TSACC: variants seen among roughly 807,000 people sequenced by gnomAD.
TSACC encodes the protein TSSK6-activating co-chaperone protein.
Under a neutral mutation model 6.9 loss-of-function variants are expected in TSACC, and 3 were observed. The ratio of observed to expected loss-of-function variants is 0.43; its 90% confidence interval spans 0.20 to 1.12. TSACC has a LOEUF of 1.12. Among genes scored for constraint, TSACC ranks in the 50% most tolerant of loss-of-function variants. The pLI is 0.28. For missense variants in TSACC, 137 were observed against 143.9 expected (o/e 0.95, Z 0.24); for synonymous variants, 54 against 55.1 (o/e 0.98, Z 0.09).
At chr1:156,343,376 C>T (rs1407086028) in intron 2 of TSACC, among the ~76,000 whole-genome samples, 1 of 152,070 alleles carries the variant, frequency 6.6e-6, no homozygotes, top group Non-Finnish European at 1.5e-5. Context: ...GGATTTGGTG[C>T]CTGTTGGTGT....
At chr1:156,341,045 G>A (rs138227195) in intron 2 of TSACC, among the ~76,000 whole-genome samples, 29 of 152,124 alleles carry the variant, frequency 1.9e-4, no homozygotes, top group African/African-American at 5.5e-4. Flanking sequence ...TTGAACTCCT[G>A]GCCTCAAGTG....
chr1:156,346,938 T>C lies in TSACC; in HGVS notation c.334T>C (p.Ser112Pro), dbSNP rs755876225. Residue 112 changes from serine to proline, a missense_variant, in exon 4 of 4, where the codon TCT becomes CCT. Physicochemically the swap from Ser to Pro is moderately conservative, Grantham distance 74 (BLOSUM62 -1). Transcript: ENST00000368254. ...GSNNSSLPAL[S>P]PNPLLNHLPQ... ...CAATAACTCTTCTCTCCCAGCCTTA[T>C]CTCCTAATCCATTGTTAAATCACCT... 4.1e-5 allele frequency: 66 copies of C among 1,614,086 alleles called. No homozygotes were observed. Among genetic ancestry groups the C allele is most frequent in the Non-Finnish European group, 5.3e-5 (63 of 1,180,034 alleles).
intron 3 of TSACC, 23 bp from the exon 4 acceptor site, chr1:156,346,745 C>T: frequency 6.2e-7 from 1 of 1,610,482 alleles, no homozygotes; most frequent in South Asian, 1.1e-5. Context: ...TCCCTTGCAC[C>T]TCCGTTGCTT....
chr1:156,344,772 G>A, intron 3 of TSACC, 64 bp downstream of exon 3: 1 of 1,573,564 alleles, frequency 6.4e-7, no homozygotes. Flanking sequence ...GGAGGAGGTG[G>A]CTTGAGCTGT....
At chr1:156,345,961 A>C (rs1666149718) in intron 3 of TSACC, among the ~76,000 whole-genome samples, 1 of 151,978 alleles carries the variant, frequency 6.6e-6, no homozygotes, top group Non-Finnish European at 1.5e-5. Flanking sequence ...TGGAAGGCCA[A>C]GGCAGGTGGA....
chr1:156,346,617 G>T, intron 3 of TSACC, 151 bp from the exon 4 acceptor site: 1 of 702,854 alleles, frequency 1.4e-6, no homozygotes, highest in Middle Eastern at 4.1e-4. Context: ...ATGCCTCACT[G>T]GGAGGTGACA....
At chr1:156,341,269 A>G (rs1252914162) in intron 2 of TSACC, among the ~76,000 whole-genome samples, 2 of 152,226 alleles carry the variant, frequency 1.3e-5, no homozygotes, top group African/African-American at 2.4e-5. Flanking sequence ...AGCCACACAT[A>G]TCAACTGTGG....
upstream of TSACC, chr1:156,337,318 G>A: frequency 3.6e-6 from 1 of 275,762 alleles, no homozygotes; most frequent in Non-Finnish European, 7.1e-6. Context: ...TAAGGCAGGA[G>A]GATCGCTTGA....
Position 156,339,674 on chromosome 1 carries a change from T to C in TSACC, c.-84T>C, listed in dbSNP as rs1204373969. The C allele has an allele frequency of 8.3e-6, 13 of 1,571,566 alleles. No homozygotes were observed. The highest frequency in any genetic ancestry group is 9.6e-6 in the Non-Finnish European group (11 of 1,145,522). On this transcript the variant is annotated 5_prime_UTR_variant, in exon 2 of 4. Transcript: ENST00000368254. ...GATCTGCTGGAGACAACTTAGGAAA[T>C]TATCATAGTGAAAATACTAACATGG...
chr1:156,338,037 CGAT>C, upstream of TSACC: 1 of 1,130,666 alleles, frequency 8.8e-7, no homozygotes, highest in Non-Finnish European at 1.3e-6. Flanking sequence ...AAAATGAAGA[CGAT>C]GATTGGAAGG....
upstream of TSACC, chr1:156,338,297 C>T (rs550124233): frequency 3.9e-5 from 39 of 994,810 alleles, no homozygotes; most frequent in Admixed American, 2.5e-4. Context: ...GCTTACACCT[C>T]AACCCGCTAC....
chr1:156,346,880 A>G lies in TSACC; in HGVS notation c.276A>G (p.Ala92=), dbSNP rs749549434. 23 of 1,614,090 alleles carry G rather than the reference A, an allele frequency of 1.4e-5. No individual in the cohort carries two copies. The Admixed American group carries it at 3.8e-4, about 27-fold the overall frequency. ...QQMAVLEHLQ[A]SVTQLAPGRG... The stretch of plus-strand genomic sequence containing the variant: ...TGGCTGTTTTGGAACATTTACAGGC[A>G]TCTGTGACACAACTGGCTCCTGGGA... The change falls in exon 4 of 4, where the codon GCA becomes GCG. Residue 92 remains alanine (A), a synonymous_variant. Transcript: ENST00000368254.
intron 2 of TSACC, among the ~76,000 whole-genome samples, chr1:156,344,356 A>T (rs12022657): frequency 1.3e-5 from 2 of 152,064 alleles, no homozygotes; most frequent in South Asian, 4.1e-4. Context: ...CATGTAGTGT[A>T]TATCAGTAAG....
chr1:156,340,881 A>G lies in TSACC; in HGVS notation c.34+1090A>G, dbSNP rs1277125540. ...CAGCTGCTATTTGCCAGACCCTCTTAAGCAGTTTACCTACTTAGGATCACT... is the reference window on the plus strand; with the variant it reads ...CAGCTGCTATTTGCCAGACCCTCTTGAGCAGTTTACCTACTTAGGATCACT... On this transcript the variant is annotated intron_variant, in intron 2 of 3. Coordinates refer to ENST00000368254, the MANE Select transcript of TSACC (RefSeq NM_001304817.2). Among the ~76,000 whole-genome samples the G allele has an allele frequency of 2.0e-5, 3 of 152,114 alleles. No individual in the cohort carries two copies. The South Asian group carries it at 6.2e-4, about 32-fold the overall frequency.
intron 2 of TSACC, among the ~76,000 whole-genome samples, chr1:156,344,080 G>A (rs1024556245): frequency 4.3e-4 from 66 of 152,232 alleles, no homozygotes; most frequent in African/African-American, 1.5e-3. Flanking sequence ...TCCTCTACCT[G>A]AAAGGAGGTA....
chr1:156,343,297 T>C (rs534500696), intron 2 of TSACC, among the ~76,000 whole-genome samples: 2 of 152,298 alleles, frequency 1.3e-5, no homozygotes, highest in Middle Eastern at 6.8e-3. Flanking sequence ...TTGGGAGAGA[T>C]GCTGAAATAG....
upstream of TSACC, chr1:156,338,257 C>A: frequency 1.3e-6 from 2 of 1,497,632 alleles, no homozygotes; most frequent in East Asian, 2.4e-5. Context: ...GAGAACCAGA[C>A]AGAAGCCCAG....
upstream of TSACC, chr1:156,338,247 GA>G: frequency 6.5e-7 from 1 of 1,533,596 alleles, no homozygotes; most frequent in Non-Finnish European, 8.9e-7. Context: ...TCTGGAGAGA[GA>G]GAACCAGACA....
chr1:156,339,575 G>A (rs1665703003), intron 1 of TSACC, 59 bp from the exon 2 acceptor site: 1 of 663,216 alleles, frequency 1.5e-6, no homozygotes, highest in African/African-American at 1.8e-5. Context: ...AGCACCAACA[G>A]TTCAAGAACA....
Sources: allele counts gnomAD v4.1 joint callset (sites outside exome capture counted in the v4.1 genomes callset), GRCh38; gene constraint gnomAD v4.1.1; transcripts MANE v1.5; gene names NCBI Gene and HGNC (gene_info 2026-07-23, HGNC 2026-07-21).